PARG: variants seen among roughly 807,000 people sequenced by gnomAD.
The protein encoded by PARG is mitochondrial poly(ADP-ribose) glycohydrolase.
In PARG, 35 loss-of-function variants were observed where a neutral mutation model predicts 113.0. The ratio of observed to expected loss-of-function variants is 0.31; its 90% CI spans 0.24 to 0.41. PARG has a LOEUF of 0.41. Among genes scored for constraint, PARG ranks in the 10% least tolerant of loss-of-function variants. The probability of loss-of-function intolerance (pLI) is 1.00; values close to 1 mark genes in which losing one functional copy is unlikely to be tolerated. For missense variants in PARG, 797 were observed against 1,169.4 expected, an observed-to-expected ratio of 0.68 and a Z score of 4.64; for synonymous variants, 330 against 409.9, an observed-to-expected ratio of 0.81 and a Z score of 2.36.
At chr10:49,940,086 C>T in intron 1 of PARG, among the ~76,000 whole-genome samples, 1 of 152,348 alleles carries the variant, frequency 6.6e-6, no homozygotes, top group Non-Finnish European at 1.5e-5. Flanking sequence ...CCCATAGCAT[C>T]CATTATAATG....
intron 15 of PARG, among the ~76,000 whole-genome samples, chr10:49,836,064 C>CA (rs1844905598): frequency 1.3e-5 from 2 of 152,064 alleles, no homozygotes; most frequent in African/African-American, 4.8e-5. Context: ...TGTAAAGTGA[C>CA]ATGTGCACAG....
At chr10:49,836,141 A>G (rs782000666) in intron 15 of PARG, among the ~76,000 whole-genome samples, 2 of 152,010 alleles carry the variant, frequency 1.3e-5, no homozygotes, top group Non-Finnish European at 2.9e-5. Flanking sequence ...GATGTCTTTC[A>G]TTATCATGTA....
At chr10:49,913,475 A>T (rs2132830867) in intron 7 of PARG, among the ~76,000 whole-genome samples, 1 of 152,354 alleles carries the variant, frequency 6.6e-6, no homozygotes, top group Non-Finnish European at 1.5e-5. Context: ...ATAAATTTTA[A>T]ACATACATTT....
chr10:49,865,765 A>G (rs1846483071), intron 10 of PARG, among the ~76,000 whole-genome samples: 1 of 150,960 alleles, frequency 6.6e-6, no homozygotes, highest in Admixed American at 6.6e-5. Context: ...CTAATGCAAT[A>G]AAGACAAAAT....
intron 3 of PARG, 101 bp downstream of exon 3, chr10:49,933,076 C>T (rs1838568838): frequency 1.1e-6 from 1 of 883,198 alleles, no homozygotes; most frequent in Admixed American, 2.5e-5. Context: ...AGAAACAAAA[C>T]CATTTCTTTG....
chr10:49,841,337 G>C (rs1197448416), intron 15 of PARG, among the ~76,000 whole-genome samples: 1 of 152,108 alleles, frequency 6.6e-6, no homozygotes, highest in African/African-American at 2.4e-5. Context: ...CTGCTGTTTT[G>C]GGAAAGCCCA....
At chr10:49,869,195 T>C (rs1298472863) in intron 10 of PARG, among the ~76,000 whole-genome samples, 1 of 151,922 alleles carries the variant, frequency 6.6e-6, no homozygotes, top group African/African-American at 2.4e-5. Context: ...ATACTTTCTC[T>C]GGTTTTTATT....
intron 15 of PARG, among the ~76,000 whole-genome samples, chr10:49,838,116 A>G (rs1328788395): frequency 1.3e-5 from 2 of 152,194 alleles, no homozygotes; most frequent in African/African-American, 4.8e-5. Flanking sequence ...AGTAGTCTCT[A>G]TGTGCAGGAT....
intron 15 of PARG, among the ~76,000 whole-genome samples, chr10:49,840,123 T>G (rs1159623690): frequency 6.6e-6 from 1 of 152,200 alleles, no homozygotes; most frequent in East Asian, 1.9e-4. Context: ...GCATTGTGGC[T>G]CATGCCTATA....
At chr10:49,874,372 C>T (rs1307527058) in intron 9 of PARG, among the ~76,000 whole-genome samples, 1 of 152,122 alleles carries the variant, frequency 6.6e-6, no homozygotes, top group Non-Finnish European at 1.5e-5. Context: ...ATATTCCCTT[C>T]ATTTAAAAAA....
intron 7 of PARG, among the ~76,000 whole-genome samples, chr10:49,894,074 T>G (rs1847950940): frequency 6.6e-6 from 1 of 151,810 alleles, no homozygotes; most frequent in South Asian, 2.1e-4. Context: ...AAGCAATGCA[T>G]CTACCTCAGC....
intron 1 of PARG, among the ~76,000 whole-genome samples, chr10:49,940,651 C>G (rs1379407578): frequency 2.0e-5 from 3 of 152,114 alleles, no homozygotes; most frequent in African/African-American, 7.2e-5. Flanking sequence ...CTCAGCCTCC[C>G]GAGTAGCTGG....
chr10:49,890,713 C>G (rs1847732009), intron 7 of PARG, among the ~76,000 whole-genome samples: 1 of 152,160 alleles, frequency 6.6e-6, no homozygotes, highest in Non-Finnish European at 1.5e-5. Context: ...TGCCAAACAT[C>G]AAAACATTAT....
Position 49,887,048 on chromosome 10 carries a change from CT to C in PARG, c.1738-1754del, listed in dbSNP as rs1317586482. ...CAAACTCTTCCTGTTTATAATTTAT[CT>C]TTTTTTTTTTTTTTAATAGAAACAG... On this transcript the variant is annotated intron_variant, in intron 7 of 17. Coordinates refer to ENST00000616448, the MANE Select transcript of PARG (RefSeq NM_003631.5). Among the ~76,000 whole-genome samples the C allele has an allele frequency of 4.9e-3, 675 of 138,902 alleles. 1 individual carries two copies. Among genetic ancestry groups the C allele is most frequent in the African/African-American group, 5.9e-3 (227 of 38,172 alleles). The allele number at this position is 138,902 out of a possible 152,430, so 91.1% of individuals were successfully genotyped here. A position where few individuals can be genotyped will look rare whatever the true frequency, so the allele number is the denominator to read the frequency against.
At chr10:49,902,896 G>A (rs1294561182) in intron 7 of PARG, among the ~76,000 whole-genome samples, 3 of 151,446 alleles carry the variant, frequency 2.0e-5, no homozygotes, top group Non-Finnish European at 4.4e-5. Context: ...GCAATGGCGC[G>A]ATCTCGGCTC....
chr10:49,828,171 A>C (rs1554829733), intron 16 of PARG, among the ~76,000 whole-genome samples: 1 of 151,534 alleles, frequency 6.6e-6, no homozygotes, highest in African/African-American at 2.4e-5. Flanking sequence ...GTAATCTACA[A>C]AATTATGACT....
intron 4 of PARG, among the ~76,000 whole-genome samples, chr10:49,924,915 G>C (rs1838077068): frequency 6.6e-6 from 1 of 152,210 alleles, no homozygotes; most frequent in Non-Finnish European, 1.5e-5. Context: ...GCATGGACTA[G>C]GGGTCTATGG....
intron 10 of PARG, among the ~76,000 whole-genome samples, chr10:49,865,962 C>G (rs1554836822): frequency 6.7e-6 from 1 of 148,542 alleles, no homozygotes; most frequent in Non-Finnish European, 1.5e-5. Context: ...GGCAATCACT[C>G]TACTTGTTAG....
chr10:49,825,964 T>C (rs782438169), intron 16 of PARG, among the ~76,000 whole-genome samples: 2 of 152,236 alleles, frequency 1.3e-5, no homozygotes, highest in Non-Finnish European at 2.9e-5. Context: ...ATTGTTTTTT[T>C]GGTAATATTT....
Sources: gnomAD v4.1 joint callset for allele counts (sites outside exome capture counted in the v4.1 genomes callset) on GRCh38, gnomAD v4.1.1 for gene constraint, MANE v1.5 for transcripts, NCBI Gene and HGNC (gene_info 2026-07-23, HGNC 2026-07-21) for gene names.